The following PPFIA2 variants were observed in gnomAD, a reference collection of about 807,000 sequenced individuals.
PPFIA2 encodes PPFI scaffold protein A2.
In PPFIA2, 46 loss-of-function variants were observed where a neutral mutation model predicts 175.5. That is an observed-to-expected ratio of 0.26 (90% CI 0.21 to 0.34). PPFIA2 has a LOEUF of 0.34. PPFIA2 is among the 10% of genes least tolerant of loss of function. PPFIA2 has a pLI of 1.00. For synonymous variants in PPFIA2, 568 were observed against 511.4 expected (o/e 1.11, Z -1.49); for missense variants, 1,179 against 1,506.1 (o/e 0.78, Z 3.60).
At chr12:81,292,914 A>T (rs2045435415) in intron 24 of PPFIA2, 1 of 152,062 alleles carries the variant, frequency 6.6e-6, no homozygotes, top group East Asian at 1.9e-4. Flanking sequence ...ATTTAGGAAG[A>T]ACTTAAAATG....
chr12:81,481,028 G>A (rs2058149063), intron 4 of PPFIA2, among the ~76,000 whole-genome samples: 1 of 152,162 alleles, frequency 6.6e-6, no homozygotes, highest in Admixed American at 6.6e-5. Flanking sequence ...AAGCTGATAA[G>A]CAGCTTCAAC....
intron 8 of PPFIA2, among the ~76,000 whole-genome samples, chr12:81,403,689 A>T (rs924654456): frequency 1.3e-5 from 2 of 152,176 alleles, no homozygotes; most frequent in Non-Finnish European, 2.9e-5. Context: ...GGAATAGAAC[A>T]TTCCTCTAGG....
intron 21 of PPFIA2, 22 bp from the exon 22 acceptor site, chr12:81,325,892 T>A: frequency 1.3e-6 from 2 of 1,524,240 alleles, no homozygotes; most frequent in East Asian, 4.5e-5. Context: ...AGTAACTAAG[T>A]ATTCAGATTA....
At chr12:81,558,683 G>C (rs1450773633) in intron 4 of PPFIA2, among the ~76,000 whole-genome samples, 1 of 152,046 alleles carries the variant, frequency 6.6e-6, no homozygotes, top group African/African-American at 2.4e-5. Flanking sequence ...TATCTACAGG[G>C]ACTTGAAAAA....
intron 4 of PPFIA2, among the ~76,000 whole-genome samples, chr12:81,671,313 G>A (rs560457198): frequency 1.7e-4 from 26 of 151,890 alleles, no homozygotes; most frequent in African/African-American, 6.0e-4. Flanking sequence ...TATCTCATGA[G>A]TCAATCCATT....
chr12:81,643,007 TTA>T (rs1287138359), intron 4 of PPFIA2, among the ~76,000 whole-genome samples: 2 of 147,352 alleles, frequency 1.4e-5, no homozygotes, highest in African/African-American at 4.9e-5. Context: ...AATATATATT[TTA>T]TATAGTGTAT....
At chr12:81,521,651 C>CA (rs1167533871) in intron 4 of PPFIA2, among the ~76,000 whole-genome samples, 3,160 of 87,486 alleles carry the variant, frequency 0.036, 75 homozygotes, top group East Asian at 0.084. Context: ...TAATAAAATA[C>CA]AAAAAAAAAA....
intron 3 of PPFIA2, among the ~76,000 whole-genome samples, chr12:81,698,781 CA>C (rs1279453990): frequency 2.6e-5 from 4 of 151,978 alleles, no homozygotes; most frequent in Non-Finnish European, 5.9e-5. Context: ...CACACACACA[CA>C]CCACAAACAC....
At chr12:81,689,101 G>A (rs896102465) in intron 3 of PPFIA2, among the ~76,000 whole-genome samples, 10 of 140,154 alleles carry the variant, frequency 7.1e-5, no homozygotes, top group Non-Finnish European at 4.5e-5. Context: ...ATAGAGCTAG[G>A]GGGAGAGATG....
intron 22 of PPFIA2, chr12:81,312,002 C>T (rs999116861): frequency 7.5e-6 from 5 of 670,338 alleles, no homozygotes; most frequent in African/African-American, 1.8e-5. Context: ...CCAATGATTC[C>T]TTTTACTGTG....
chr12:81,616,322 G>A (rs57461231), intron 4 of PPFIA2, among the ~76,000 whole-genome samples: 3,739 of 152,034 alleles, frequency 0.025, 161 homozygotes, highest in African/African-American at 0.086. Context: ...CTTTTTCTCC[G>A]TCAAATTCTA....
chr12:81,645,652 A>C (rs1451846046), intron 4 of PPFIA2, among the ~76,000 whole-genome samples: 1 of 152,238 alleles, frequency 6.6e-6, no homozygotes, highest in Admixed American at 6.5e-5. Flanking sequence ...CCAAAGGTTG[A>C]CAAGTTCCTT....
At chr12:81,662,263 C>T (rs900166221) in intron 4 of PPFIA2, among the ~76,000 whole-genome samples, 2 of 152,068 alleles carry the variant, frequency 1.3e-5, no homozygotes, top group African/African-American at 4.8e-5. Flanking sequence ...AATCCAGGAG[C>T]TGGTTTTTGG....
At chr12:81,305,658 T>C (rs1198980867) in intron 22 of PPFIA2, among the ~76,000 whole-genome samples, 1 of 152,202 alleles carries the variant, frequency 6.6e-6, no homozygotes, top group Non-Finnish European at 1.5e-5. Flanking sequence ...ACTCATATCA[T>C]GTGCAAGACT....
chr12:81,608,333 C>A (rs979197400), intron 4 of PPFIA2, among the ~76,000 whole-genome samples: 2 of 152,046 alleles, frequency 1.3e-5, no homozygotes, highest in Non-Finnish European at 2.9e-5. Context: ...AGGAGTCCCT[C>A]CACTTCAATT....
rs73360693 is a variant in PPFIA2 at position 81,549,503 on chromosome 12, C to T, written c.304-91637G>A. Among the ~76,000 whole-genome samples, 1,318 of 152,060 alleles carry T rather than the reference C, an allele frequency of 8.7e-3. 14 individuals are homozygous for T. Among genetic ancestry groups the T allele is most frequent in the African/African-American group, 0.03 (1,250 of 41,514 alleles). On this transcript the variant is annotated intron_variant, in intron 4 of 32. Coordinates refer to ENST00000549396, the MANE Select transcript of PPFIA2 (RefSeq NM_003625.5). The stretch of plus-strand genomic sequence containing the variant: ...ATAATACTAACTGCTGTCCCCATAT[C>T]ATGGCCTATGGGAAGTCTAATGCAT...
intron 4 of PPFIA2, among the ~76,000 whole-genome samples, chr12:81,479,953 T>A (rs1183618880): frequency 1.3e-5 from 2 of 152,140 alleles, no homozygotes; most frequent in Non-Finnish European, 2.9e-5. Context: ...ATGTTTGGCC[T>A]GTCTTGCTAG....
At position 81,642,683 on chromosome 12, in the gene PPFIA2, C is replaced by CATACATTATGTATA. The variant is rs1567686433; in HGVS notation, c.303+34107_303+34108insTATACATAATGTAT. 1.1e-3 allele frequency among the ~76,000 whole-genome samples: 41 copies of CATACATTATGTATA among 35,982 alleles called. 6 individuals are homozygous for CATACATTATGTATA. Among genetic ancestry groups the CATACATTATGTATA allele is most frequent in the Non-Finnish European group, 1.6e-3 (31 of 18,812 alleles). The allele number at this position is 35,982 out of a possible 152,430, so 23.6% of individuals were successfully genotyped here. ...CTATTATATACATACATGTATGTATCTATTATATACATACATGTATATGTA... is the reference window on the plus strand; with the variant it reads ...CTATTATATACATACATGTATGTATCATACATTATGTATATATTATATACATACATGTATATGTA... On this transcript the variant is annotated intron_variant, in intron 4 of 32. Coordinates refer to ENST00000549396, the MANE Select transcript of PPFIA2 (RefSeq NM_003625.5).
chr12:81,547,032 G>A lies in PPFIA2; in HGVS notation c.304-89166C>T, dbSNP rs548417544. On this transcript the variant is annotated intron_variant, in intron 4 of 32. Coordinates refer to ENST00000549396, the MANE Select transcript of PPFIA2 (RefSeq NM_003625.5). ...AGCGTGGCAGATGCTAGGGGTGGGC[G>A]TACTGGAAGGGAAAAGAAAATAATA... is the stretch of plus-strand genomic sequence containing the variant. 3.9e-5 allele frequency among the ~76,000 whole-genome samples: 6 copies of A among 152,182 alleles called. No homozygotes were observed. The South Asian group carries it at 6.2e-4, about 16-fold the overall frequency.
Sources: gnomAD v4.1 joint callset for allele counts (sites outside exome capture counted in the v4.1 genomes callset) on GRCh38, gnomAD v4.1.1 for gene constraint, MANE v1.5 for transcripts, NCBI Gene and HGNC (gene_info 2026-07-23, HGNC 2026-07-21) for gene names.